The following CSMD2 variants were observed in gnomAD, a reference collection of about 807,000 sequenced individuals.
CSMD2 encodes CUB and sushi domain-containing protein 2.
In CSMD2, 130 loss-of-function variants were observed where a neutral mutation model predicts 398.5. That is an observed-to-expected ratio of 0.33 (90% CI 0.28 to 0.38). CSMD2 has a LOEUF of 0.38. Among genes scored for constraint, CSMD2 ranks in the 10% least tolerant of loss-of-function variants. The probability of loss-of-function intolerance (pLI) is 1.00; values close to 1 mark genes in which losing one functional copy is unlikely to be tolerated. For missense variants in CSMD2, 3,829 were observed against 4,764.9 expected (o/e 0.80, Z 5.78); for synonymous variants, 1,828 against 1,908.5 (o/e 0.96, Z 1.10).
intron 60 of CSMD2, among the ~76,000 whole-genome samples, chr1:33,538,369 G>A (rs1018223475): frequency 6.6e-6 from 1 of 152,174 alleles, no homozygotes; most frequent in Non-Finnish European, 1.5e-5. Flanking sequence ...TTCAGGCCAT[G>A]TTAACATCAG....
chr1:33,880,462 T>G (rs1641159918), intron 5 of CSMD2, among the ~76,000 whole-genome samples: 1 of 152,226 alleles, frequency 6.6e-6, no homozygotes, highest in Admixed American at 6.5e-5. Context: ...ATTCAGCACT[T>G]GGACAGAGCT....
At chr1:34,099,540 G>T (rs74068050) in intron 1 of CSMD2, among the ~76,000 whole-genome samples, 2,710 of 152,304 alleles carry the variant, frequency 0.018, 48 homozygotes, top group East Asian at 0.053. Context: ...AAGAATCTGG[G>T]TGTGAATGGC....
intron 41 of CSMD2, among the ~76,000 whole-genome samples, chr1:33,609,588 T>C (rs1640861664): frequency 6.6e-6 from 1 of 152,240 alleles, no homozygotes; most frequent in African/African-American, 2.4e-5. Context: ...GCTTTGGCCT[T>C]ACTTGTAAGG....
At chr1:34,081,413 C>T (rs984839798) in intron 2 of CSMD2, among the ~76,000 whole-genome samples, 1 of 151,734 alleles carries the variant, frequency 6.6e-6, no homozygotes, top group Non-Finnish European at 1.5e-5. Context: ...TCCCCCTCCC[C>T]CTCCCCCTCC....
intron 25 of CSMD2, among the ~76,000 whole-genome samples, chr1:33,692,278 T>C (rs1219045319): frequency 6.6e-6 from 1 of 152,184 alleles, no homozygotes; most frequent in Non-Finnish European, 1.5e-5. Context: ...ATACCTATTT[T>C]GAAGGAATTT....
intron 1 of CSMD2, among the ~76,000 whole-genome samples, chr1:34,160,537 A>AC (rs1010290102): frequency 1.1e-4 from 16 of 151,910 alleles, no homozygotes; most frequent in African/African-American, 3.9e-4. Flanking sequence ...GGCTTCCTTG[A>AC]CCCCCGATTT....
intron 28 of CSMD2, among the ~76,000 whole-genome samples, chr1:33,651,024 T>C (rs1054891875): frequency 6.6e-6 from 1 of 152,232 alleles, no homozygotes; most frequent in African/African-American, 2.4e-5. Flanking sequence ...TCATTCTTTT[T>C]TATTGCTGAG....
intron 32 of CSMD2, among the ~76,000 whole-genome samples, chr1:33,629,416 A>C (rs945048519): frequency 6.6e-6 from 1 of 152,214 alleles, no homozygotes; most frequent in East Asian, 1.9e-4. Flanking sequence ...AAATGAGTCA[A>C]CTTCCTCTTA....
At chr1:33,788,972 C>A (rs1454399778) in intron 11 of CSMD2, among the ~76,000 whole-genome samples, 1 of 152,160 alleles carries the variant, frequency 6.6e-6, no homozygotes, top group Non-Finnish European at 1.5e-5. Flanking sequence ...GACCCTTGGG[C>A]TCACAAGGGA....
rs72105736 is a variant in CSMD2 at position 33,790,661 on chromosome 1, G to GTCTATCTATCTA, written c.1550+1750_1550+1761dup. Among the ~76,000 whole-genome samples, 511 of 149,832 alleles carry GTCTATCTATCTA rather than the reference G, an allele frequency of 3.4e-3. 3 individuals are homozygous for GTCTATCTATCTA. The highest frequency in any genetic ancestry group is 3.9e-3 in the Admixed American group (59 of 15,112). On this transcript the variant is annotated intron_variant, in intron 11 of 70. Transcript: ENST00000373381. ...TTATCTATCTATTTGCTGTTTGTCT[G>GTCTATCTATCTA]TCTATCTATCTATCTATCTATCTAT...
At chr1:34,098,999 GA>G (rs1276956216) in intron 1 of CSMD2, among the ~76,000 whole-genome samples, 1 of 152,130 alleles carries the variant, frequency 6.6e-6, no homozygotes, top group African/African-American at 2.4e-5. Context: ...TACTTAGGGG[GA>G]AAAGTACTAT....
chr1:33,916,698 T>C (rs1265609390), intron 5 of CSMD2, among the ~76,000 whole-genome samples: 2 of 152,302 alleles, frequency 1.3e-5, no homozygotes, highest in South Asian at 4.1e-4. Context: ...TTGAGTTTTC[T>C]GCTTATGCTA....
chr1:34,103,870 G>C (rs1269010998), intron 1 of CSMD2, among the ~76,000 whole-genome samples: 1 of 152,138 alleles, frequency 6.6e-6, no homozygotes, highest in Non-Finnish European at 1.5e-5. Context: ...TTAGTGGAAA[G>C]GTTAAAAGCA....
At position 33,558,975 on chromosome 1, in the gene CSMD2, T is replaced by C. The variant is rs558783417; in HGVS notation, c.8554+325A>G. Among the ~76,000 whole-genome samples the C allele has an allele frequency of 5.3e-5, 8 of 152,334 alleles. No individual in the cohort carries two copies. The East Asian group carries it at 1.5e-3, about 29-fold the overall frequency. Reference sequence around the variant, plus strand: ...TAATATTACTTCTAGATCTCTTGTTTATGTGAGAAAAATAAACCTCTGTTA... The same window carrying C: ...TAATATTACTTCTAGATCTCTTGTTCATGTGAGAAAAATAAACCTCTGTTA... On this transcript the variant is annotated intron_variant, in intron 54 of 70. Transcript: ENST00000373381.
At chr1:33,718,538 A>G (rs1401017779) in intron 19 of CSMD2, among the ~76,000 whole-genome samples, 1 of 152,124 alleles carries the variant, frequency 6.6e-6, no homozygotes, top group East Asian at 1.9e-4. Flanking sequence ...TTAGACTAGG[A>G]CCCACCTGCT....
chr1:33,941,355 T>A, intron 3 of CSMD2, among the ~76,000 whole-genome samples: 1 of 152,230 alleles, frequency 6.6e-6, no homozygotes, highest in Non-Finnish European at 1.5e-5. Flanking sequence ...ATTTATGCTC[T>A]CTGGACAAGC....
At chr1:33,609,082 C>T (rs977529814) in intron 41 of CSMD2, among the ~76,000 whole-genome samples, 34 of 152,350 alleles carry the variant, frequency 2.2e-4, no homozygotes, top group African/African-American at 7.9e-4. Context: ...CTGTGATGAG[C>T]CTGCACACAC....
Position 33,935,827 on chromosome 1 carries a change from G to C in CSMD2, c.645C>G (p.Ala215=). The change falls in exon 4 of 71, where the codon GCC becomes GCG. Residue 215 remains alanine (A), a synonymous_variant. Transcript: ENST00000373381. The part of the protein sequence containing the change: ...CNLGFFLEGH[A]VLTCHAGSEN... The stretch of plus-strand genomic sequence containing the variant: ...CAGAGCCAGCGTGGCAGGTGAGCAC[G>C]GCGTGGCCCTCCAGGAAGAAGCCAA... 3 of 1,614,164 alleles carry C rather than the reference G, an allele frequency of 1.9e-6. No individual in the cohort carries two copies. Among genetic ancestry groups the C allele is most frequent in the South Asian group, 1.1e-5 (1 of 91,088 alleles).
intron 3 of CSMD2, among the ~76,000 whole-genome samples, chr1:33,992,172 C>A (rs1379471069): frequency 1.3e-5 from 2 of 152,122 alleles, no homozygotes; most frequent in Non-Finnish European, 2.9e-5. Flanking sequence ...AAAATTACAG[C>A]CCACATAGTC....
Sources: allele counts gnomAD v4.1 joint callset (sites outside exome capture counted in the v4.1 genomes callset), GRCh38; gene constraint gnomAD v4.1.1; transcripts MANE v1.5; gene names NCBI Gene and HGNC (gene_info 2026-07-23, HGNC 2026-07-21).